The following NAP1L4 variants were observed in gnomAD, a reference collection of about 807,000 sequenced individuals.
The protein encoded by NAP1L4 is nucleosome assembly protein 1-like 4.
A neutral mutation model predicts 58.2 loss-of-function variants in NAP1L4; 15 were observed. The ratio of observed to expected loss-of-function variants is 0.26; its 90% CI spans 0.17 to 0.40. The LOEUF (loss-of-function observed/expected upper bound fraction) is 0.40. Ranked by LOEUF, NAP1L4 falls within the 10% of genes least tolerant of loss-of-function variation. The pLI is 1.00. For synonymous variants in NAP1L4, 171 were observed against 155.6 expected, an observed-to-expected ratio of 1.10 and a Z score of -0.74; for missense variants, 384 against 451.1, an observed-to-expected ratio of 0.85 and a Z score of 1.35.
At chr11:2,957,346 A>G (rs900767826) in intron 10 of NAP1L4, among the ~76,000 whole-genome samples, 3 of 152,236 alleles carry the variant, frequency 2.0e-5, no homozygotes, top group African/African-American at 7.2e-5. Context: ...TTCTAGGTTC[A>G]AAGTCTAATT....
At chr11:2,984,692 G>T (rs76113046) in intron 1 of NAP1L4, among the ~76,000 whole-genome samples, 3,234 of 152,270 alleles carry the variant, frequency 0.021, 46 homozygotes, top group Non-Finnish European at 0.033. Context: ...TCCCACTCAT[G>T]CTCTTCTGCA....
intron 7 of NAP1L4, among the ~76,000 whole-genome samples, chr11:2,968,147 G>A (rs575122919): frequency 2.8e-4 from 43 of 152,132 alleles, no homozygotes; most frequent in Non-Finnish European, 4.4e-4. Context: ...CATGCCCCCC[G>A]AAGTCTGAGA....
chr11:2,957,294 T>C (rs1171097358), intron 10 of NAP1L4, among the ~76,000 whole-genome samples: 4 of 152,226 alleles, frequency 2.6e-5, no homozygotes, highest in African/African-American at 7.2e-5. Flanking sequence ...AATATCTAAA[T>C]TTATGACTGC....
At chr11:2,961,502 A>T (rs756072504) in intron 8 of NAP1L4, among the ~76,000 whole-genome samples, 37 of 42,738 alleles carry the variant, frequency 8.7e-4, no homozygotes, top group Non-Finnish European at 1.4e-3. Context: ...TCCACGGCTT[A>T]AAAAAAAAAA....
chr11:2,981,246 G>GA (rs575900452), intron 1 of NAP1L4, among the ~76,000 whole-genome samples: 30,592 of 136,204 alleles, frequency 0.22, 3,344 homozygotes, highest in South Asian at 0.34. Flanking sequence ...AAAACAAAAA[G>GA]AAAAAAAAAA....
rs1422219472 is a variant in NAP1L4, at chr11:2,958,683, C to CCAT, written c.747-142_747-140dup. 1.7e-5 allele frequency: 14 copies of CCAT among 813,962 alleles called. No individual in the cohort carries two copies. In the East Asian group the frequency reaches 3.5e-4, roughly 20 times the overall value. 50.4% of individuals were successfully genotyped at this position (813,962 alleles called of 1,614,324 possible). A position where few individuals can be genotyped will look rare whatever the true frequency, so the allele number is the denominator to read the frequency against. ...CAATCTGCAAACCAAATACAATGGC[C>CCAT]CATGAAGTTCATCTGGAGGTTGGCA... On this transcript the variant is annotated intron_variant, in intron 9 of 15. Transcript: ENST00000380542.
chr11:2,954,298 C>A lies in NAP1L4; in HGVS notation c.1035+229G>T. On this transcript the variant is annotated intron_variant, in intron 12 of 15. Coordinates refer to ENST00000380542, the MANE Select transcript of NAP1L4 (RefSeq NM_005969.4). This position sits in a 1 kb window ranked among gnomAD's most constrained non-coding sequence, Gnocchi z 4.8. ...AGGGCTCACATAGGAAACTGGCAAT[C>A]ACCTCTGAAACTGCTTCACAGACAC... is the stretch of plus-strand genomic sequence containing the variant. 1 of 622,512 alleles carries A rather than the reference C, an allele frequency of 1.6e-6. No individual in the cohort carries two copies. Among genetic ancestry groups the A allele is most frequent in the Admixed American group, 2.8e-5 (1 of 35,678 alleles). The allele number at this position is 622,512 out of a possible 1,614,324, so 38.6% of individuals were successfully genotyped here.
At chr11:2,977,237 G>T (rs7113489) in intron 3 of NAP1L4, among the ~76,000 whole-genome samples, 1,641 of 152,284 alleles carry the variant, frequency 0.011, 33 homozygotes, top group African/African-American at 0.037. Flanking sequence ...ATATCTACAC[G>T]TGCCTGACAG....
chr11:2,978,423 A>G lies in NAP1L4; in HGVS notation c.15-81T>C, dbSNP rs1350419136. The G allele has an allele frequency of 5.3e-6, 7 of 1,317,460 alleles. No individual in the cohort carries two copies. The African/African-American group carries it at 8.8e-5, about 17-fold the overall frequency. 81.6% of individuals were successfully genotyped at this position (1,317,460 alleles called of 1,614,324 possible). ...GCACAAATGGACATGTTTCTTATTC[A>G]ATATATTAAGAGGTATCTGTACAGT... On this transcript the variant is annotated intron_variant, in intron 2 of 15. Coordinates refer to ENST00000380542, the MANE Select transcript of NAP1L4 (RefSeq NM_005969.4).
intron 8 of NAP1L4, among the ~76,000 whole-genome samples, chr11:2,964,120 T>C (rs552302437): frequency 6.6e-6 from 1 of 152,288 alleles, no homozygotes; most frequent in South Asian, 2.1e-4. Flanking sequence ...TCAGTCTTAT[T>C]TGCGCTTTTT....
At chr11:2,953,111 C>G (rs1233266835) in intron 12 of NAP1L4, among the ~76,000 whole-genome samples, 1 of 152,156 alleles carries the variant, frequency 6.6e-6, no homozygotes, top group African/African-American at 2.4e-5. Flanking sequence ...AATGGGGATG[C>G]GAGTCTGAGC....
chr11:2,952,374 C>T (rs1846279585), intron 12 of NAP1L4: 1 of 153,292 alleles, frequency 6.5e-6, no homozygotes, highest in African/African-American at 2.4e-5. Context: ...TCTCCTACAT[C>T]CAAATACATC....
At chr11:2,958,586 G>GA (rs762328872) in intron 9 of NAP1L4, 42 bp from the exon 10 acceptor site, 1 of 1,586,622 alleles carries the variant, frequency 6.3e-7, no homozygotes, top group Non-Finnish European at 8.6e-7. Context: ...CAATCCATGA[G>GA]AAAAATCCAT....
intron 1 of NAP1L4, 62 bp from the exon 2 acceptor site, chr11:2,979,299 T>C: frequency 7.2e-7 from 1 of 1,393,938 alleles, no homozygotes; most frequent in Non-Finnish European, 1.0e-6. Flanking sequence ...TTCAATATAC[T>C]TTTTAAACAA....
Position 2,946,029 on chromosome 11 carries a change from C to T in NAP1L4, c.*33-383G>A, listed in dbSNP as rs1685092617. Among the ~76,000 whole-genome samples the T allele has an allele frequency of 1.3e-5, 2 of 152,260 alleles. No homozygotes were observed. Among genetic ancestry groups the T allele is most frequent in the Admixed American group, 6.5e-5 (1 of 15,300 alleles). On this transcript the variant is annotated intron_variant, in intron 15 of 15. Transcript: ENST00000380542. The surrounding 1 kb of genome is among the most constrained non-coding windows in gnomAD (Gnocchi z 4.8). ...GGGCAGCTCCATCCAGGAAGGCCAC[C>T]GCGGAGGCAACCCCTCTTGGTGCCA...
chr11:2,976,969 C>T (rs191908504), intron 3 of NAP1L4, among the ~76,000 whole-genome samples: 8 of 152,306 alleles, frequency 5.3e-5, no homozygotes, highest in African/African-American at 1.4e-4. Context: ...TCTCCCATCC[C>T]GAGTATTCTC....
chr11:2,957,429 G>C (rs1014993242), intron 10 of NAP1L4, among the ~76,000 whole-genome samples: 3 of 152,234 alleles, frequency 2.0e-5, no homozygotes, highest in African/African-American at 7.2e-5. Context: ...AGGGTGCTAA[G>C]CTCAGAGACA....
chr11:2,960,631 G>A (rs929954649), intron 8 of NAP1L4, among the ~76,000 whole-genome samples: 1 of 152,196 alleles, frequency 6.6e-6, no homozygotes, highest in Non-Finnish European at 1.5e-5. Context: ...GACCCGGCCA[G>A]GATTTTGGGG....
In NAP1L4 at chr11:2,951,190, G is replaced by A. The variant is rs893624420; in HGVS notation, c.1122+69C>T. On this transcript the variant is annotated intron_variant, in intron 14 of 15. Transcript: ENST00000380542. This position sits in a 1 kb window ranked among gnomAD's most constrained non-coding sequence, Gnocchi z 4.0. ...ATTGTTAACACTACTGCCTCAAAGT[G>A]GGGAACATTTTTAAAAGTCTAAGAG... The A allele has an allele frequency of 2.4e-6, 3 of 1,237,910 alleles. No homozygotes were observed. Among genetic ancestry groups the A allele is most frequent in the Non-Finnish European group, 2.4e-6 (2 of 849,064 alleles). 76.7% of individuals were successfully genotyped at this position (1,237,910 alleles called of 1,614,324 possible).
Sources: allele counts gnomAD v4.1 joint callset (sites outside exome capture counted in the v4.1 genomes callset), GRCh38; gene constraint gnomAD v4.1.1; non-coding constraint Gnocchi (gnomAD v3.1); transcripts MANE v1.5; gene names NCBI Gene and HGNC (gene_info 2026-07-23, HGNC 2026-07-21).